Variants in GNA15 observed in about 807,000 individuals in gnomAD.
GNA15 encodes the protein G protein subunit alpha 15.
A neutral mutation model predicts 40.1 loss-of-function variants in GNA15; 23 were observed. That is an observed-to-expected ratio of 0.57 (90% CI 0.41 to 0.81). The LOEUF is 0.81. Ranked by LOEUF, GNA15 falls within the 40% of genes least tolerant of loss-of-function variation. The pLI, the probability that GNA15 is intolerant of heterozygous loss-of-function variation, is 0.00. For synonymous variants in GNA15, 226 were observed against 210.4 expected, an observed-to-expected ratio of 1.07 and a Z score of -0.64; for missense variants, 522 against 515.8, an observed-to-expected ratio of 1.01 and a Z score of -0.12.
At chr19:3,149,390 C>T (rs3786945) in intron 2 of GNA15, 87,034 of 154,668 alleles carry the variant, frequency 0.56, 24,712 homozygotes, top group East Asian at 0.71. Context: ...TGCCTGCATG[C>T]AATCCCCCCA....
rs559019242 is a variant in GNA15, at chr19:3,151,806, C to T, written c.585C>T (p.Tyr195=). 2 of 1,612,364 alleles carry T rather than the reference C, an allele frequency of 1.2e-6. No homozygotes were observed. Among genetic ancestry groups the T allele is most frequent in the South Asian group, 1.1e-5 (1 of 91,006 alleles). Residue 195 remains tyrosine (Y), a synonymous_variant, in exon 4 of 7, where the codon TAC becomes TAT. Coordinates refer to ENST00000262958, the MANE Select transcript of GNA15 (RefSeq NM_002068.4). The surrounding 1 kb of genome is among the most constrained non-coding windows in gnomAD (Gnocchi z 5.0). ...TGCCCACCACTGGCATCAACGAGTA[C>T]TGCTTCTCCGTGCAGAAAACCAACC... is the stretch of plus-strand genomic sequence containing the variant. The part of the protein sequence containing the change: ...SRMPTTGINE[Y]CFSVQKTNLR...
Position 3,150,238 on chromosome 19 carries a change from C to T in GNA15, c.438C>T (p.Ala146=). ...TGTGGAGGGATGCCGGCATCCGGGCCTGCTATGAGCGTCGGCGGGAATTCC... is the reference window on the plus strand; with the variant it reads ...TGTGGAGGGATGCCGGCATCCGGGCTTGCTATGAGCGTCGGCGGGAATTCC... ...QWLWRDAGIR[A]CYERRREFHL... Residue 146 remains alanine (A), a synonymous_variant, in exon 3 of 7, where the codon GCC becomes GCT. Coordinates refer to ENST00000262958, the MANE Select transcript of GNA15 (RefSeq NM_002068.4). 8 of 1,609,472 alleles carry T rather than the reference C, an allele frequency of 5.0e-6. No individual in the cohort carries two copies. Among genetic ancestry groups the T allele is most frequent in the Non-Finnish European group, 5.9e-6 (7 of 1,178,082 alleles).
intron 1 of GNA15, among the ~76,000 whole-genome samples, chr19:3,137,206 G>T (rs1914478476): frequency 6.6e-6 from 1 of 152,230 alleles, no homozygotes; most frequent in Non-Finnish European, 1.5e-5. Flanking sequence ...CTCATTTCCT[G>T]TGAAGGAGCC....
intron 5 of GNA15, among the ~76,000 whole-genome samples, chr19:3,156,161 CAG>C (rs1364199506): frequency 2.5e-5 from 3 of 118,854 alleles, no homozygotes; most frequent in African/African-American, 1.1e-4. Context: ...GTCAGGACCC[CAG>C]ACACACACAC....
At chr19:3,153,966 T>C (rs557557040) in intron 4 of GNA15, among the ~76,000 whole-genome samples, 1 of 147,750 alleles carries the variant, frequency 6.8e-6, no homozygotes, top group East Asian at 2.1e-4. Flanking sequence ...TATGAGTAGA[T>C]GGATAATGGG....
In GNA15 at chr19:3,151,573, C is replaced by A; in HGVS notation, c.486-134C>A. ...GTGGGGGACGCTCCTGGGCCATCTG[C>A]CAACTCCAGGGACCCCACCTCCACC... On this transcript the variant is annotated intron_variant, in intron 3 of 6. Transcript: ENST00000262958. The surrounding 1 kb of genome is among the most constrained non-coding windows in gnomAD (Gnocchi z 5.0). The A allele has an allele frequency of 3.8e-6, 4 of 1,048,024 alleles. No individual in the cohort carries two copies. The highest frequency in any genetic ancestry group is 1.9e-5 in the South Asian group (1 of 53,680). The allele number at this position is 1,048,024 out of a possible 1,614,324, so 64.9% of individuals were successfully genotyped here.
At chr19:3,140,275 C>T (rs191425888) in intron 1 of GNA15, among the ~76,000 whole-genome samples, 8 of 152,210 alleles carry the variant, frequency 5.3e-5, no homozygotes, top group East Asian at 1.9e-4. Flanking sequence ...ACATTTATAA[C>T]GTTCCCTTGT....
intron 1 of GNA15, among the ~76,000 whole-genome samples, chr19:3,140,044 A>AATCT (rs59955919): frequency 0.26 from 32,361 of 124,044 alleles, 4,261 homozygotes; most frequent in Middle Eastern, 0.38. Flanking sequence ...AAAAAAAAAA[A>AATCT]ATCTATCTAT....
Position 3,155,702 on chromosome 19 carries a change from G to C in GNA15, c.615-121G>C. The C allele has an allele frequency of 8.7e-7, 1 of 1,153,356 alleles. No homozygotes were observed. The highest frequency in any genetic ancestry group is 1.2e-6 in the Non-Finnish European group (1 of 811,550). The allele number at this position is 1,153,356 out of a possible 1,614,324, so 71.4% of individuals were successfully genotyped here. A position where few individuals can be genotyped will look rare whatever the true frequency, so the allele number is the denominator to read the frequency against. ...GAATGACATGGCAAATCCACGAGAG[G>C]CTAGCACCTATTCTTGCTGTCGCTA... On this transcript the variant is annotated intron_variant, in intron 4 of 6. Coordinates refer to ENST00000262958, the MANE Select transcript of GNA15 (RefSeq NM_002068.4). This position sits in a 1 kb window ranked among gnomAD's most constrained non-coding sequence, Gnocchi z 5.6.
rs1205539525 is a variant in GNA15, at chr19:3,136,537, C to T, written c.87C>T (p.Asn29=). The T allele has an allele frequency of 1.1e-5, 18 of 1,569,868 alleles. No homozygotes were observed. The Admixed American group carries it at 3.0e-4, about 26-fold the overall frequency. ...CCGCCCGGGTGGACCAGGAGATCAA[C>T]AGGATCCTCTTGGAGCAGAAGAAGC... The part of the protein sequence containing the change: ...KAAARVDQEI[N]RILLEQKKQD... Residue 29 remains asparagine, a synonymous_variant, in exon 1 of 7, where the codon AAC becomes AAT. Coordinates refer to ENST00000262958, the MANE Select transcript of GNA15 (RefSeq NM_002068.4). The surrounding 1 kb of genome is among the most constrained non-coding windows in gnomAD (Gnocchi z 4.9).
In GNA15 at chr19:3,151,209, GGACCCTGTTCCTGGAGT is replaced by G. The variant is rs765497173; in HGVS notation, c.486-483_486-467del. On this transcript the variant is annotated intron_variant, in intron 3 of 6. Transcript: ENST00000262958. This position sits in a 1 kb window ranked among gnomAD's most constrained non-coding sequence, Gnocchi z 5.0. ...TTTCTGAGGGGACCCTATTCTGGGG[GGACCCTGTTCCTGGAGT>G]GACCCTGTTCCTGGGGGGACCCTGT... is the stretch of plus-strand genomic sequence containing the variant. 7.4e-5 allele frequency among the ~76,000 whole-genome samples: 11 copies of G among 149,530 alleles called. No homozygotes were observed. Among genetic ancestry groups the G allele is most frequent in the Admixed American group, 2.0e-4 (3 of 15,104 alleles).
chr19:3,157,257 C>T (rs1915051848), intron 5 of GNA15, among the ~76,000 whole-genome samples: 2 of 152,162 alleles, frequency 1.3e-5, no homozygotes, highest in Non-Finnish European at 2.9e-5. Flanking sequence ...CCTTGGCCTC[C>T]CAAAGTGCTA....
At chr19:3,144,621 C>G (rs1362437679) in intron 1 of GNA15, among the ~76,000 whole-genome samples, 1 of 151,310 alleles carries the variant, frequency 6.6e-6, no homozygotes, top group Admixed American at 6.6e-5. Flanking sequence ...CTCCGCCTCC[C>G]CGGTTCACGC....
chr19:3,161,140 C>T (rs907041019), intron 6 of GNA15, among the ~76,000 whole-genome samples: 1 of 151,956 alleles, frequency 6.6e-6, no homozygotes, highest in African/African-American at 2.4e-5. Flanking sequence ...GACAGGGTTT[C>T]GCCATGTTGC....
At chr19:3,145,361 T>TATATATATATATATATATATA (rs57906685) in intron 1 of GNA15, among the ~76,000 whole-genome samples, 5 of 28,200 alleles carry the variant, frequency 1.8e-4, no homozygotes, top group African/African-American at 9.0e-4. Flanking sequence ...ATATATATAT[T>TATATATATATATATATATATA]TTTTTTTTTT....
chr19:3,150,004 G>C, intron 2 of GNA15, 127 bp from the exon 3 acceptor site: 1 of 745,092 alleles, frequency 1.3e-6, no homozygotes, highest in Non-Finnish European at 2.2e-6. Context: ...CGGGAGCTCT[G>C]GGGAAGAAGG....
intron 1 of GNA15, among the ~76,000 whole-genome samples, chr19:3,144,510 GTTTATTTA>G (rs1445481946): frequency 6.6e-6 from 1 of 151,762 alleles, no homozygotes; most frequent in East Asian, 1.9e-4. Context: ...TAGTTTGTTT[GTTTATTTA>G]TTTATTTATA....
At position 3,143,935 on chromosome 19, in the gene GNA15, A is replaced by G. The variant is rs111657528; in HGVS notation, c.146-4656A>G. On this transcript the variant is annotated intron_variant, in intron 1 of 6. Coordinates refer to ENST00000262958, the MANE Select transcript of GNA15 (RefSeq NM_002068.4). ...GGAGATCGAGACCATCCTGGCTAAC[A>G]TGGTGAAACCCCGTCTCTACTAAAA... Among the ~76,000 whole-genome samples, 28 of 148,244 alleles carry G rather than the reference A, an allele frequency of 1.9e-4. No homozygotes were observed. In the East Asian group the frequency reaches 4.3e-3, roughly 23 times the overall value.
chr19:3,149,051 A>T, intron 2 of GNA15: 1 of 424,824 alleles, frequency 2.4e-6, no homozygotes, highest in East Asian at 4.1e-5. Context: ...GTACATGCTC[A>T]CAAAGATACA....
Sources: gnomAD v4.1 joint callset for allele counts (sites outside exome capture counted in the v4.1 genomes callset) on GRCh38, gnomAD v4.1.1 for gene constraint, Gnocchi (gnomAD v3.1) non-coding constraint, MANE v1.5 for transcripts, NCBI Gene and HGNC (gene_info 2026-07-23, HGNC 2026-07-21) for gene names.